Variants in LDHAL6A observed in about 807,000 individuals in gnomAD.
LDHAL6A encodes the protein lactate dehydrogenase A like 6A.
In LDHAL6A, 19 loss-of-function variants were observed where a neutral mutation model predicts 28.2. That is an observed-to-expected ratio of 0.67 (90% CI 0.47 to 0.99). LDHAL6A has a LOEUF of 0.99. LDHAL6A is among the 50% of genes least tolerant of loss of function. The pLI, the probability that LDHAL6A is intolerant of heterozygous loss-of-function variation, is 0.00. For missense variants in LDHAL6A, 372 were observed against 398.6 expected (o/e 0.93, Z 0.57); for synonymous variants, 144 against 134.4 (o/e 1.07, Z -0.49).
intron 1 of LDHAL6A, among the ~76,000 whole-genome samples, chr11:18,458,048 A>G (rs1337358077): frequency 1.3e-5 from 2 of 152,218 alleles, no homozygotes; most frequent in Non-Finnish European, 2.9e-5. Context: ...TTGAAGGGCC[A>G]TTCAGGGAGG....
At chr11:18,476,158 G>A (rs1268980806) in intron 4 of LDHAL6A, among the ~76,000 whole-genome samples, 2 of 152,194 alleles carry the variant, frequency 1.3e-5, no homozygotes, top group African/African-American at 4.8e-5. Context: ...CTAGTGGAAA[G>A]TTTAAAACTG....
Position 18,476,465 on chromosome 11 carries a change from A to G in LDHAL6A, c.674A>G (p.Glu225Gly). Residue 225 changes from glutamate to glycine, a missense_variant, in exon 5 of 7, where the codon GAG becomes GGG. Physicochemically the swap from Glu to Gly is moderately conservative, Grantham distance 98 (BLOSUM62 -2). This residue lies in a region of LDHAL6A where 291 missense variants were observed against 302.9 expected (regional missense o/e 0.96). Transcript: ENST00000280706. The stretch of plus-strand genomic sequence containing the variant: ...GATATAGGAACTGATAAAGATCCTG[A>G]GCAGTGGGAAAATGTCCACAAAAAA... ...NPDIGTDKDP[E>G]QWENVHKKVI... The G allele has an allele frequency of 6.2e-7, 1 of 1,614,120 alleles. No individual in the cohort carries two copies. The highest frequency in any genetic ancestry group is 8.5e-7 in the Non-Finnish European group (1 of 1,179,996).
Position 18,477,723 on chromosome 11 carries a change from C to T in LDHAL6A, c.814C>T (p.Pro272Ser). ...TTTGAAGAATCTTAGGAGAGTGCAT[C>T]CAGTTTCTACCCTAAGTAAGGTAGG... is the stretch of plus-strand genomic sequence containing the variant. ...SILKNLRRVH[P>S]VSTLSKGLYG... Residue 272 changes from proline to serine, a missense_variant, in exon 6 of 7, where the codon CCA (proline) becomes TCA (serine). By Grantham distance (74) the Pro-to-Ser change is moderately conservative. Around this residue, in one of 3 missense-constraint regions of LDHAL6A, gnomAD observed 291 missense variants for 302.9 expected, o/e 0.96. Coordinates refer to ENST00000280706, the MANE Select transcript of LDHAL6A (RefSeq NM_144972.5). 1 of 1,609,092 alleles carries T rather than the reference C, an allele frequency of 6.2e-7. No homozygotes were observed. Among genetic ancestry groups the T allele is most frequent in the Non-Finnish European group, 8.5e-7 (1 of 1,178,316 alleles).
rs927064711 is a variant in LDHAL6A at position 18,455,962 on chromosome 11, G to C, written c.-719G>C. Reference sequence around the variant, plus strand: ...TGCGATGCCTGCACGAGCTGGGTGCGGTCCGCGCAGCTGCAGTAAGGGGGC... The same window carrying C: ...TGCGATGCCTGCACGAGCTGGGTGCCGTCCGCGCAGCTGCAGTAAGGGGGC... On this transcript the variant is annotated 5_prime_UTR_variant, in exon 1 of 7. Transcript: ENST00000280706. The C allele has an allele frequency of 1.3e-5, 2 of 152,128 alleles. No homozygotes were observed. Among genetic ancestry groups the C allele is most frequent in the Non-Finnish European group, 2.9e-5 (2 of 68,226 alleles). 9.4% of individuals were successfully genotyped at this position (152,128 alleles called of 1,614,324 possible). A position where few individuals can be genotyped will look rare whatever the true frequency, so the allele number is the denominator to read the frequency against.
Position 18,464,017 on chromosome 11 carries a change from G to C in LDHAL6A, c.183G>C (p.Glu61Asp). Residue 61 changes from glutamate (E) to aspartate (D), a missense_variant, in exon 2 of 7, where the codon GAG (glutamate) becomes GAC (aspartate). Glu to Asp is a conservative substitution (Grantham distance 45, BLOSUM62 2). Coordinates refer to ENST00000280706, the MANE Select transcript of LDHAL6A (RefSeq NM_144972.5). ...TTGATGAAGGCAAACTGAAGGGTGA[G>C]ACAATGGATCTTCAACATGGCAGCC... ...VDVDEGKLKG[E>D]TMDLQHGSPF... The C allele has an allele frequency of 6.2e-7, 1 of 1,614,078 alleles. No individual in the cohort carries two copies. The highest frequency in any genetic ancestry group is 1.7e-4 in the Middle Eastern group (1 of 6,054).
At position 18,476,617 on chromosome 11, in the gene LDHAL6A, C is replaced by T. The variant is rs1590262515; in HGVS notation, c.710+116C>T. On this transcript the variant is annotated intron_variant, in intron 5 of 6. Coordinates refer to ENST00000280706, the MANE Select transcript of LDHAL6A (RefSeq NM_144972.5). The stretch of plus-strand genomic sequence containing the variant: ...GTTGTATTTCCCATATTTTTATTTG[C>T]ACTTCTGCTTTTCTGTGTGATCATA... The T allele has an allele frequency of 6.1e-6, 9 of 1,467,538 alleles. No individual in the cohort carries two copies. In the South Asian group the frequency reaches 1.0e-4, roughly 17 times the overall value. The allele number at this position is 1,467,538 out of a possible 1,614,324, so 90.9% of individuals were successfully genotyped here. A position where few individuals can be genotyped will look rare whatever the true frequency, so the allele number is the denominator to read the frequency against.
intron 4 of LDHAL6A, among the ~76,000 whole-genome samples, chr11:18,476,170 A>G (rs1341512234): frequency 6.6e-6 from 1 of 152,204 alleles, no homozygotes; most frequent in Non-Finnish European, 1.5e-5. Flanking sequence ...TTAAAACTGC[A>G]ATTTTCTTAT....
chr11:18,456,892 A>G, intron 1 of LDHAL6A, 86 bp downstream of exon 1: 1 of 1,420,790 alleles, frequency 7.0e-7, no homozygotes, highest in Non-Finnish European at 9.4e-7. Flanking sequence ...GTCCAGTTCA[A>G]GGTGGTGAGT....
At chr11:18,465,837 A>G (rs371488367) in intron 3 of LDHAL6A, 27 bp downstream of exon 3, 134 of 1,583,172 alleles carry the variant, frequency 8.5e-5, no homozygotes, top group Middle Eastern at 3.3e-4. Flanking sequence ...TAAATTTTCA[A>G]CTTTTAGATT....
chr11:18,478,924 G>C lies in LDHAL6A; in HGVS notation c.*54G>C, dbSNP rs903847539. 75 of 1,397,562 alleles carry C rather than the reference G, an allele frequency of 5.4e-5. No individual in the cohort carries two copies. The highest frequency in any genetic ancestry group is 3.2e-4 in the South Asian group (25 of 78,884). 86.6% of individuals were successfully genotyped at this position (1,397,562 alleles called of 1,614,324 possible). ...AAGATGAAATAGTAGTTATGGAATT[G>C]TATATGTCAAACTTTTGAATAAATT... On this transcript the variant is annotated 3_prime_UTR_variant, in exon 7 of 7. Transcript: ENST00000280706.
At chr11:18,466,609 G>C (rs1218427217) in intron 3 of LDHAL6A, among the ~76,000 whole-genome samples, 2 of 147,754 alleles carry the variant, frequency 1.4e-5, no homozygotes, top group African/African-American at 5.0e-5. Flanking sequence ...AGCCATGATT[G>C]CGCCACTGCA....
chr11:18,478,607 G>A (rs1030877050), intron 6 of LDHAL6A, 99 bp from the exon 7 acceptor site: 21 of 947,044 alleles, frequency 2.2e-5, no homozygotes, highest in South Asian at 1.4e-4. Context: ...GCCATAGTTC[G>A]TACTATACCA....
chr11:18,467,954 TAC>T (rs1565071253), intron 3 of LDHAL6A, among the ~76,000 whole-genome samples: 2 of 45,496 alleles, frequency 4.4e-5, no homozygotes, highest in African/African-American at 8.6e-5. Context: ...CATATATATA[TAC>T]GTATATATAT....
At chr11:18,469,556 ACAG>A (rs1209363517) in intron 3 of LDHAL6A, among the ~76,000 whole-genome samples, 1 of 152,254 alleles carries the variant, frequency 6.6e-6, no homozygotes, top group Non-Finnish European at 1.5e-5. Context: ...TCTGCCATTA[ACAG>A]CAGTAAAAAT....
chr11:18,456,959 C>T (rs1183808620), intron 1 of LDHAL6A, among the ~76,000 whole-genome samples, 153 bp downstream of exon 1: 1 of 152,086 alleles, frequency 6.6e-6, no homozygotes, highest in South Asian at 2.1e-4. Flanking sequence ...AGTTGTTCAC[C>T]CAGAGGGCGC....
intron 6 of LDHAL6A, among the ~76,000 whole-genome samples, 168 bp from the exon 7 acceptor site, chr11:18,478,538 C>G (rs539011070): frequency 2.0e-5 from 3 of 151,718 alleles, no homozygotes; most frequent in Non-Finnish European, 4.4e-5. Flanking sequence ...CCAGCCTGGA[C>G]GACAGAGCAA....
intron 4 of LDHAL6A, 57 bp from the exon 5 acceptor site, chr11:18,476,327 A>T (rs1849381106): frequency 1.3e-6 from 2 of 1,557,662 alleles, no homozygotes; most frequent in Non-Finnish European, 1.7e-6. Flanking sequence ...TGAGGTCAAA[A>T]ACCAAAACCC....
chr11:18,471,218 T>C (rs1053457988), intron 3 of LDHAL6A, among the ~76,000 whole-genome samples: 15 of 151,756 alleles, frequency 9.9e-5, no homozygotes, highest in African/African-American at 3.6e-4. Context: ...AAGTTTTTTT[T>C]TTTTTTTTTG....
intron 5 of LDHAL6A, among the ~76,000 whole-genome samples, 180 bp from the exon 6 acceptor site, chr11:18,477,440 C>A: frequency 1.4e-5 from 2 of 147,892 alleles, no homozygotes; most frequent in African/African-American, 2.5e-5. Context: ...GCCTGGGTGA[C>A]AGAGCAAGAC....
Sources: gnomAD v4.1 joint callset for allele counts (sites outside exome capture counted in the v4.1 genomes callset) on GRCh38, gnomAD v4.1.1 for gene constraint, gnomAD v4.1.1 regional missense constraint, MANE v1.5 for transcripts, NCBI Gene and HGNC (gene_info 2026-07-23, HGNC 2026-07-21) for gene names.